ROBO1: variants seen among roughly 807,000 people sequenced by gnomAD.
The protein encoded by ROBO1 is roundabout homolog 1.
A neutral mutation model predicts 195.9 loss-of-function variants in ROBO1; 149 were observed. That is an observed-to-expected ratio of 0.76 (90% CI 0.67 to 0.87). The LOEUF (loss-of-function observed/expected upper bound fraction) is 0.87. Ranked by LOEUF, ROBO1 falls within the 40% of genes least tolerant of loss-of-function variation. The pLI, the probability that ROBO1 is intolerant of heterozygous loss-of-function variation, is 0.00. For synonymous variants in ROBO1, 816 were observed against 733.2 expected (o/e 1.11, Z -1.82); for missense variants, 1,933 against 2,068.3 (o/e 0.93, Z 1.27).
intron 1 of ROBO1, among the ~76,000 whole-genome samples, chr3:79,610,515 A>T (rs1944625721): frequency 6.6e-6 from 1 of 151,986 alleles, no homozygotes; most frequent in Non-Finnish European, 1.5e-5. Context: ...ATTTTACAAA[A>T]TATTGGACCT....
intron 8 of ROBO1, among the ~76,000 whole-genome samples, chr3:78,689,378 T>C (rs1005067345): frequency 3.3e-5 from 5 of 152,190 alleles, no homozygotes; most frequent in Non-Finnish European, 7.4e-5. Context: ...ACATTATAAA[T>C]ACTGCCAGCT....
intron 2 of ROBO1, among the ~76,000 whole-genome samples, chr3:79,331,375 A>G (rs974628315): frequency 3.3e-5 from 5 of 152,222 alleles, no homozygotes; most frequent in Non-Finnish European, 7.3e-5. Flanking sequence ...TTACTCATTC[A>G]ATTTTACTTT....
intron 1 of ROBO1, among the ~76,000 whole-genome samples, chr3:79,711,931 G>GGA (rs1702292817): frequency 3.5e-5 from 5 of 141,620 alleles, no homozygotes; most frequent in African/African-American, 1.3e-4. Flanking sequence ...GGGCGGGTGG[G>GGA]TGGGGGAGCA....
chr3:79,640,167 A>G (rs1037491453), intron 1 of ROBO1, among the ~76,000 whole-genome samples: 1 of 152,152 alleles, frequency 6.6e-6, no homozygotes, highest in African/African-American at 2.4e-5. Flanking sequence ...TTTAGAAATC[A>G]GGAGAAATTT....
chr3:79,167,423 A>G (rs2081088813), intron 2 of ROBO1, among the ~76,000 whole-genome samples: 1 of 152,178 alleles, frequency 6.6e-6, no homozygotes, highest in South Asian at 2.1e-4. Context: ...TTTTGTCATG[A>G]AATCAATGTC....
chr3:78,887,676 G>A (rs1235108077), intron 4 of ROBO1, among the ~76,000 whole-genome samples: 1 of 152,136 alleles, frequency 6.6e-6, no homozygotes, highest in Non-Finnish European at 1.5e-5. Context: ...AAACCACATG[G>A]TGACCAGCCT....
intron 3 of ROBO1, among the ~76,000 whole-genome samples, chr3:78,980,988 C>T (rs1358800832): frequency 6.6e-6 from 1 of 151,958 alleles, no homozygotes; most frequent in Non-Finnish European, 1.5e-5. Flanking sequence ...GACAGTCATT[C>T]GTATAAAACA....
intron 4 of ROBO1, among the ~76,000 whole-genome samples, chr3:78,880,479 TA>T (rs145057729): frequency 6.6e-6 from 1 of 151,454 alleles, no homozygotes; most frequent in Admixed American, 6.6e-5. Flanking sequence ...GGCACAAAGT[TA>T]AAAAAAAATT....
At chr3:79,135,903 C>G (rs1338160719) in intron 2 of ROBO1, among the ~76,000 whole-genome samples, 1 of 152,176 alleles carries the variant, frequency 6.6e-6, no homozygotes, top group Admixed American at 6.5e-5. Context: ...TCCCAAAGTG[C>G]TGGGATTTAC....
intron 2 of ROBO1, among the ~76,000 whole-genome samples, chr3:79,374,612 G>A (rs1043021975): frequency 6.6e-6 from 1 of 152,004 alleles, no homozygotes; most frequent in Non-Finnish European, 1.5e-5. Context: ...ATTTTAAATA[G>A]CCATGCTTAA....
chr3:79,043,711 A>G lies in ROBO1; in HGVS notation c.172+81745T>C, dbSNP rs2108341262. On this transcript the variant is annotated intron_variant, in intron 3 of 30. Coordinates refer to ENST00000464233, the MANE Select transcript of ROBO1 (RefSeq NM_002941.4). ...ATTTAAGCTGTCAAACTAAGTTGAT[A>G]ACACATGTTAAGTATAGAAATGTAT... is the stretch of plus-strand genomic sequence containing the variant. Among the ~76,000 whole-genome samples the G allele has an allele frequency of 1.3e-5, 2 of 152,294 alleles. 1 individual carries two copies. The highest frequency in any genetic ancestry group is 6.8e-3 in the Middle Eastern group (2 of 294).
intron 4 of ROBO1, among the ~76,000 whole-genome samples, chr3:78,839,419 T>A (rs1204618746): frequency 6.9e-6 from 1 of 145,970 alleles, no homozygotes; most frequent in Non-Finnish European, 1.5e-5. Flanking sequence ...TTTTTTTCAT[T>A]ACTATGAAAA....
intron 2 of ROBO1, among the ~76,000 whole-genome samples, chr3:79,298,559 A>ATT (rs2032720622): frequency 6.6e-6 from 1 of 152,058 alleles, no homozygotes; most frequent in South Asian, 2.1e-4. Flanking sequence ...TAGGGATAGA[A>ATT]TTTCTTTTTC....
intron 2 of ROBO1, among the ~76,000 whole-genome samples, chr3:79,406,430 C>A (rs955712071): frequency 6.6e-6 from 1 of 151,196 alleles, no homozygotes; most frequent in African/African-American, 2.4e-5. Context: ...GATTCTGTCT[C>A]AAAAAAAGAT....
intron 2 of ROBO1, among the ~76,000 whole-genome samples, chr3:79,285,031 G>C (rs2031799117): frequency 6.6e-6 from 1 of 152,064 alleles, no homozygotes; most frequent in African/African-American, 2.4e-5. Flanking sequence ...CTATAAACTA[G>C]TTTCTGTCAT....
chr3:79,609,247 T>C (rs1384049649), intron 1 of ROBO1, among the ~76,000 whole-genome samples: 6 of 151,734 alleles, frequency 4.0e-5, no homozygotes, highest in Non-Finnish European at 8.8e-5. Flanking sequence ...CAAGTTGAAT[T>C]GTTTGTCTTG....
At chr3:78,845,579 T>C (rs2033608593) in intron 4 of ROBO1, among the ~76,000 whole-genome samples, 1 of 152,140 alleles carries the variant, frequency 6.6e-6, no homozygotes, top group Admixed American at 6.6e-5. Flanking sequence ...GAATAAATTA[T>C]AGAAAATATT....
intron 2 of ROBO1, among the ~76,000 whole-genome samples, chr3:79,513,473 A>T (rs1940809240): frequency 1.3e-5 from 2 of 152,134 alleles, no homozygotes; most frequent in South Asian, 4.1e-4. Context: ...ACCTTCAGTT[A>T]CAGAAAAAGT....
intron 2 of ROBO1, among the ~76,000 whole-genome samples, chr3:79,441,279 T>A (rs573938102): frequency 6.6e-6 from 1 of 152,222 alleles, no homozygotes; most frequent in African/African-American, 2.4e-5. Context: ...TAACCTCACA[T>A]AGACTCCTAA....
Sources: gnomAD v4.1 joint callset for allele counts (sites outside exome capture counted in the v4.1 genomes callset) on GRCh38, gnomAD v4.1.1 for gene constraint, MANE v1.5 for transcripts, NCBI Gene and HGNC (gene_info 2026-07-23, HGNC 2026-07-21) for gene names.